The following CTNNA2 variants were observed in gnomAD, a reference collection of about 807,000 sequenced individuals.
The protein encoded by CTNNA2 is catenin alpha 2.
CTNNA2 carries 42 observed loss-of-function variants against 101.0 expected under a neutral mutation model. The observed-to-expected ratio is 0.42, with a 90% CI of 0.32 to 0.54. The LOEUF is 0.54. Among genes scored for constraint, CTNNA2 ranks in the 20% least tolerant of loss-of-function variants. The pLI, the probability that CTNNA2 is intolerant of heterozygous loss-of-function variation, is 0.14. For synonymous variants in CTNNA2, 450 were observed against 456.4 expected (o/e 0.99, Z 0.18); for missense variants, 871 against 1,223.1 (o/e 0.71, Z 4.29).
At chr2:79,801,272 T>G (rs751581847) in intron 3 of CTNNA2, among the ~76,000 whole-genome samples, 6 of 152,198 alleles carry the variant, frequency 3.9e-5, no homozygotes, top group Non-Finnish European at 7.4e-5. Flanking sequence ...CTAGCTCAGC[T>G]GCAGCCAGTT....
Position 80,628,671 on chromosome 2 carries a change from T to C in CTNNA2, c.2574+9443T>C, listed in dbSNP as rs563821280. On this transcript the variant is annotated intron_variant, in intron 18 of 18. Transcript: ENST00000402739. Reference sequence around the variant, plus strand: ...GCAAACAGTTTAAAAGGCTTTTTTTTCTACAGTTTTTAGGGAATTAAGATA... The same window carrying C: ...GCAAACAGTTTAAAAGGCTTTTTTTCCTACAGTTTTTAGGGAATTAAGATA... Among the ~76,000 whole-genome samples the C allele has an allele frequency of 1.2e-3, 184 of 152,226 alleles. No homozygotes were observed. In the Middle Eastern group the frequency reaches 0.014, roughly 11 times the overall value.
At chr2:79,485,548 A>G (rs1671149277) in intron 4 of CTNNA2, among the ~76,000 whole-genome samples, 1 of 152,230 alleles carries the variant, frequency 6.6e-6, no homozygotes, top group African/African-American at 2.4e-5. Flanking sequence ...GATTAAAGAA[A>G]GGTCAAGTTT....
intron 9 of CTNNA2, among the ~76,000 whole-genome samples, chr2:80,514,154 C>T (rs1213811772): frequency 6.6e-6 from 1 of 152,044 alleles, no homozygotes; most frequent in Non-Finnish European, 1.5e-5. Flanking sequence ...TTTCTCAACC[C>T]CTTTGTTGGA....
intron 1 of CTNNA2, among the ~76,000 whole-genome samples, chr2:79,566,028 C>G (rs1675092512): frequency 6.6e-6 from 1 of 151,946 alleles, no homozygotes; most frequent in African/African-American, 2.4e-5. Context: ...ATGCAGTGAA[C>G]CAGGTGAGTG....
At chr2:80,044,235 A>C (rs1262808876) in intron 7 of CTNNA2, among the ~76,000 whole-genome samples, 1 of 152,244 alleles carries the variant, frequency 6.6e-6, no homozygotes, top group Non-Finnish European at 1.5e-5. Flanking sequence ...GTATAGAAAG[A>C]TAACATAGCC....
intron 7 of CTNNA2, among the ~76,000 whole-genome samples, chr2:80,215,530 C>T (rs2149044237): frequency 6.6e-6 from 1 of 152,324 alleles, no homozygotes; most frequent in East Asian, 1.9e-4. Flanking sequence ...AGGTCGACTC[C>T]AGACGCTGTT....
At chr2:79,486,764 A>G (rs1671162600) in intron 4 of CTNNA2, among the ~76,000 whole-genome samples, 1 of 152,190 alleles carries the variant, frequency 6.6e-6, no homozygotes, top group Admixed American at 6.5e-5. Context: ...AATGATCGCC[A>G]TTCTAACTGG....
At chr2:79,706,152 C>G (rs11891548) in intron 2 of CTNNA2, among the ~76,000 whole-genome samples, 6,479 of 151,976 alleles carry the variant, frequency 0.043, 382 homozygotes, top group African/African-American at 0.14. Context: ...ATCACGAGGT[C>G]AGGAGATCGA....
At chr2:80,067,896 G>A (rs186001066) in intron 7 of CTNNA2, among the ~76,000 whole-genome samples, 39 of 152,272 alleles carry the variant, frequency 2.6e-4, no homozygotes, top group African/African-American at 9.1e-4. Flanking sequence ...GGAAGTGGAT[G>A]CTCCAGCTCC....
chr2:79,851,701 C>CT (rs1491319056), intron 3 of CTNNA2, among the ~76,000 whole-genome samples: 2 of 26,030 alleles, frequency 7.7e-5, no homozygotes, highest in African/African-American at 2.0e-4. Context: ...TTTTCTCATC[C>CT]TTTTTTTTCT....
chr2:80,190,853 G>A (rs1170601769), intron 7 of CTNNA2, among the ~76,000 whole-genome samples: 1 of 152,140 alleles, frequency 6.6e-6, no homozygotes, highest in Non-Finnish European at 1.5e-5. Context: ...TTTTGCAACA[G>A]CAATGTCCAT....
chr2:80,413,758 T>C (rs2149398140), intron 8 of CTNNA2, among the ~76,000 whole-genome samples: 1 of 152,336 alleles, frequency 6.6e-6, no homozygotes, highest in East Asian at 1.9e-4. Context: ...TAAGGAAATA[T>C]GGCAGAACAT....
chr2:79,355,693 G>T (rs1188772164), intron 3 of CTNNA2, among the ~76,000 whole-genome samples: 1 of 152,268 alleles, frequency 6.6e-6, no homozygotes, highest in South Asian at 2.1e-4. Context: ...TGGAGTCATA[G>T]AATACGTATC....
At chr2:80,395,069 A>G (rs1403324299) in intron 8 of CTNNA2, among the ~76,000 whole-genome samples, 2 of 152,188 alleles carry the variant, frequency 1.3e-5, no homozygotes, top group Admixed American at 6.5e-5. Flanking sequence ...AATGAATGAA[A>G]AAGTAATTTT....
At chr2:79,527,594 G>T (rs1342270811) in intron 1 of CTNNA2, among the ~76,000 whole-genome samples, 1 of 151,342 alleles carries the variant, frequency 6.6e-6, no homozygotes, top group Non-Finnish European at 1.5e-5. Context: ...GCAGTGAGCT[G>T]AGATGGCGCC....
At position 80,106,037 on chromosome 2, in the gene CTNNA2, A is replaced by G. The variant is rs1016524444; in HGVS notation, c.1056+196240A>G. Among the ~76,000 whole-genome samples, 58 of 152,336 alleles carry G rather than the reference A, an allele frequency of 3.8e-4. 1 individual carries two copies. Among genetic ancestry groups the G allele is most frequent in the African/African-American group, 1.3e-3 (54 of 41,576 alleles). ...ACAAGGGGGTTTTATTACTTGCCAC[A>G]GGTAAGGAGGATACCGGGGATAGGT... On this transcript the variant is annotated intron_variant, in intron 7 of 18. Transcript: ENST00000402739.
intron 7 of CTNNA2, among the ~76,000 whole-genome samples, chr2:80,348,589 C>T (rs1004188143): frequency 5.3e-5 from 8 of 152,196 alleles, no homozygotes; most frequent in Middle Eastern, 3.4e-3. Context: ...TCTGGAAAAA[C>T]GTAGCTGTGT....
chr2:80,147,223 C>T (rs559193551), intron 7 of CTNNA2, among the ~76,000 whole-genome samples: 2 of 152,164 alleles, frequency 1.3e-5, no homozygotes, highest in African/African-American at 2.4e-5. Context: ...GCCTTGGCTT[C>T]CCAAAGTGCT....
At chr2:79,989,336 T>C (rs887164765) in intron 7 of CTNNA2, among the ~76,000 whole-genome samples, 1 of 152,026 alleles carries the variant, frequency 6.6e-6, no homozygotes, top group African/African-American at 2.4e-5. Flanking sequence ...CAAATTGGAG[T>C]ATTAGGCTGG....
Sources: allele counts gnomAD v4.1 joint callset (sites outside exome capture counted in the v4.1 genomes callset), GRCh38; gene constraint gnomAD v4.1.1; transcripts MANE v1.5; gene names NCBI Gene and HGNC (gene_info 2026-07-23, HGNC 2026-07-21).